Variants in EXOC6 observed in about 807,000 individuals in gnomAD.
EXOC6 encodes SEC15-like 1.
EXOC6 carries 60 observed loss-of-function variants against 112.5 expected under a neutral mutation model. The observed-to-expected ratio is 0.53, with a 90% CI of 0.43 to 0.66. EXOC6 has a LOEUF of 0.66. Ranked by LOEUF, EXOC6 falls within the 30% of genes least tolerant of loss-of-function variation. The pLI is 0.00. For missense variants in EXOC6, 855 were observed against 957.1 expected, an observed-to-expected ratio of 0.89 and a Z score of 1.41; for synonymous variants, 295 against 308.0, an observed-to-expected ratio of 0.96 and a Z score of 0.44.
intron 1 of EXOC6, among the ~76,000 whole-genome samples, chr10:92,891,555 C>G (rs927779248): frequency 6.6e-6 from 1 of 152,112 alleles, no homozygotes; most frequent in Non-Finnish European, 1.5e-5. Context: ...GATCTTTGCT[C>G]ACTGCAACCT....
intron 6 of EXOC6, among the ~76,000 whole-genome samples, chr10:92,911,961 GTGTGTGTGTGTGTT>G (rs1408714605): frequency 2.7e-5 from 4 of 150,820 alleles, no homozygotes; most frequent in Non-Finnish European, 5.9e-5. Context: ...GTGTGTGTGT[GTGTGTGTGTGTGTT>G]TGTGTATGTA....
At chr10:92,955,454 A>T (rs1229274008) in intron 16 of EXOC6, 126 bp from the exon 17 acceptor site, 1 of 715,098 alleles carries the variant, frequency 1.4e-6, no homozygotes, top group Non-Finnish European at 2.4e-6. Flanking sequence ...AGATAGTTGT[A>T]TCCTATAATG....
Position 92,848,561 on chromosome 10 carries a change from ACCGTC to A in EXOC6, c.31_35del (p.Val11ArgfsTer26). On this transcript the variant is annotated frameshift_variant, in exon 1 of 22. Transcript: ENST00000260762. LOFTEE classifies it high-confidence loss of function. Reference sequence around the variant, plus strand: ...GGCGGAGAACAGCGAGAGTCTGGGCACCGTCCCCGAGCACGAGCGGATCTTGCAGG... The same window carrying A: ...GGCGGAGAACAGCGAGAGTCTGGGCACCCGAGCACGAGCGGATCTTGCAGG... 7.0e-7 allele frequency: 1 copy of A among 1,432,954 alleles called. No homozygotes were observed. The highest frequency in any genetic ancestry group is 9.3e-7 in the Non-Finnish European group (1 of 1,073,786). 88.8% of individuals were successfully genotyped at this position (1,432,954 alleles called of 1,614,324 possible). A position where few individuals can be genotyped will look rare whatever the true frequency, so the allele number is the denominator to read the frequency against.
chr10:93,024,536 A>G (rs1407560209), intron 20 of EXOC6, among the ~76,000 whole-genome samples: 1 of 151,970 alleles, frequency 6.6e-6, no homozygotes, highest in African/African-American at 2.4e-5. Context: ...GGTTCGAGCG[A>G]TTTTCCTACC....
rs1842409807 is a variant in EXOC6 at position 92,974,264 on chromosome 10, T to C, written c.1953+32T>C. The C allele has an allele frequency of 3.5e-6, 5 of 1,445,320 alleles. No individual in the cohort carries two copies. In the South Asian group the frequency reaches 7.0e-5, roughly 20 times the overall value. The allele number at this position is 1,445,320 out of a possible 1,614,324, so 89.5% of individuals were successfully genotyped here. On this transcript the variant is annotated intron_variant, in intron 18 of 21. Transcript: ENST00000260762. ...ATAAAAATTTTCAAAAATTGTTTTA[T>C]GTTTGCTTACTAAAGTATATTTTAG... is the stretch of plus-strand genomic sequence containing the variant.
chr10:92,975,807 G>C (rs1434866059), intron 18 of EXOC6, among the ~76,000 whole-genome samples: 24 of 14,802 alleles, frequency 1.6e-3, no homozygotes, highest in East Asian at 2.2e-3. Context: ...GTCAGCCCCC[G>C]CGCCCGGCCA....
At chr10:92,889,143 T>C (rs1013844051) in intron 1 of EXOC6, among the ~76,000 whole-genome samples, 2 of 152,220 alleles carry the variant, frequency 1.3e-5, no homozygotes, top group African/African-American at 4.8e-5. Context: ...TACTCAGTTG[T>C]TCAGCCACTG....
chr10:92,843,248 TCTCTTGCA>T (rs1846921645), intron 1 of EXOC6, among the ~76,000 whole-genome samples: 1 of 152,158 alleles, frequency 6.6e-6, no homozygotes, highest in African/African-American at 2.4e-5. Context: ...CTTTGTTTAT[TCTCTTGCA>T]CTTACAGAGT....
chr10:92,911,930 T>TG (rs1564823550), intron 6 of EXOC6, among the ~76,000 whole-genome samples: 22 of 53,442 alleles, frequency 4.1e-4, no homozygotes, highest in Middle Eastern at 8.6e-3. Context: ...TCTCTCTCTC[T>TG]CTGTGTGCGT....
At position 93,041,292 on chromosome 10, in the gene EXOC6, A is replaced by G. The variant is rs75846700; in HGVS notation, c.2170-15632A>G. ...CCTGTCTGTCCCAATGTATTTTAAG[A>G]TTGTTACAACAGTCTCCTAATTATT... On this transcript the variant is annotated intron_variant, in intron 20 of 21. Coordinates refer to ENST00000260762, the MANE Select transcript of EXOC6 (RefSeq NM_019053.6). 7.6e-4 allele frequency among the ~76,000 whole-genome samples: 115 copies of G among 152,250 alleles called. No individual in the cohort carries two copies. In the East Asian group the frequency reaches 0.018, roughly 24 times the overall value.
chr10:93,012,811 G>T (rs1481878311), intron 19 of EXOC6, among the ~76,000 whole-genome samples: 5 of 151,980 alleles, frequency 3.3e-5, no homozygotes, highest in Non-Finnish European at 1.5e-5. Flanking sequence ...CAGGGGTGTT[G>T]CTTTAGGCCA....
intron 18 of EXOC6, among the ~76,000 whole-genome samples, chr10:92,975,419 C>T (rs1462712079): frequency 5.3e-5 from 8 of 151,144 alleles, no homozygotes; most frequent in South Asian, 2.1e-4. Flanking sequence ...GCAGCCACCC[C>T]GTCTGGGAAG....
intron 19 of EXOC6, among the ~76,000 whole-genome samples, chr10:93,013,600 T>G (rs1039738978): frequency 5.9e-5 from 9 of 152,100 alleles, no homozygotes; most frequent in African/African-American, 1.2e-4. Flanking sequence ...AGAATGAGAC[T>G]CCGTCTCAAA....
At chr10:92,838,543 A>G (rs1388866569) in intron 1 of EXOC6, among the ~76,000 whole-genome samples, 3 of 152,186 alleles carry the variant, frequency 2.0e-5, no homozygotes, top group Non-Finnish European at 4.4e-5. Flanking sequence ...TTCAGGAGAG[A>G]GCTGAGACTC....
chr10:92,969,914 G>A (rs1842220347), intron 17 of EXOC6, among the ~76,000 whole-genome samples: 1 of 152,052 alleles, frequency 6.6e-6, no homozygotes, highest in Non-Finnish European at 1.5e-5. Flanking sequence ...GGCTGGTCTC[G>A]AACTTCTGAC....
At chr10:93,016,891 C>A (rs1844548671) in intron 20 of EXOC6, among the ~76,000 whole-genome samples, 1 of 151,698 alleles carries the variant, frequency 6.6e-6, no homozygotes, top group African/African-American at 2.4e-5. Context: ...TGGCTCACTG[C>A]AAACTCCGCC....
At chr10:92,849,814 C>T (rs1477204643) in intron 1 of EXOC6, among the ~76,000 whole-genome samples, 3 of 152,048 alleles carry the variant, frequency 2.0e-5, no homozygotes, top group African/African-American at 4.8e-5. Flanking sequence ...CTCTGGATCT[C>T]GGTTTCCTTA....
At chr10:93,053,461 T>A (rs1313871017) in intron 20 of EXOC6, among the ~76,000 whole-genome samples, 3 of 152,238 alleles carry the variant, frequency 2.0e-5, no homozygotes, top group African/African-American at 7.2e-5. Flanking sequence ...TTAACGCTAC[T>A]TTCTCCAGGA....
chr10:92,934,519 C>T, intron 11 of EXOC6, 89 bp downstream of exon 11: 3 of 1,111,958 alleles, frequency 2.7e-6, no homozygotes, highest in Non-Finnish European at 3.6e-6. Flanking sequence ...AACTGTACCT[C>T]CATCATTCTG....
Sources: gnomAD v4.1 joint callset for allele counts (sites outside exome capture counted in the v4.1 genomes callset) on GRCh38, gnomAD v4.1.1 for gene constraint, MANE v1.5 for transcripts, NCBI Gene and HGNC (gene_info 2026-07-23, HGNC 2026-07-21) for gene names.